The following RECK variants were observed in gnomAD, a reference collection of about 807,000 sequenced individuals.
RECK encodes the protein reversion inducing cysteine rich protein with kazal motifs.
RECK carries 69 observed loss-of-function variants against 115.1 expected under a neutral mutation model. The observed-to-expected ratio is 0.60, with a 90% CI of 0.49 to 0.73. The LOEUF (loss-of-function observed/expected upper bound fraction) is 0.73, where lower values mean the gene tolerates loss of function less well. Among genes scored for constraint, RECK ranks in the 30% least tolerant of loss-of-function variants. RECK has a pLI of 0.00. For synonymous variants in RECK, 414 were observed against 419.7 expected, an observed-to-expected ratio of 0.99 and a Z score of 0.17; for missense variants, 1,047 against 1,203.7, an observed-to-expected ratio of 0.87 and a Z score of 1.93.
intron 13 of RECK, among the ~76,000 whole-genome samples, chr9:36,107,012 A>G (rs1040280306): frequency 6.7e-6 from 1 of 150,150 alleles, no homozygotes. Context: ...AGACTGAGGC[A>G]GGAGAATGGC....
At chr9:36,073,916 T>C (rs2132608523) in intron 6 of RECK, among the ~76,000 whole-genome samples, 1 of 152,264 alleles carries the variant, frequency 6.6e-6, no homozygotes, top group South Asian at 2.1e-4. Context: ...GAGTACTGCT[T>C]GTTAAATATT....
chr9:36,065,228 TAAAAAAAA>T (rs561725701), intron 5 of RECK, among the ~76,000 whole-genome samples: 8 of 50,542 alleles, frequency 1.6e-4, no homozygotes, highest in East Asian at 7.8e-4. Flanking sequence ...GGAATTCAGC[TAAAAAAAA>T]AAAAAAAAAA....
chr9:36,089,766 A>G (rs923071274), intron 9 of RECK, among the ~76,000 whole-genome samples: 2 of 152,170 alleles, frequency 1.3e-5, no homozygotes, highest in African/African-American at 4.8e-5. Context: ...AGGTATATAC[A>G]AGTATTCTAA....
chr9:36,041,282 G>A (rs1305131611), intron 1 of RECK, among the ~76,000 whole-genome samples: 2 of 152,212 alleles, frequency 1.3e-5, no homozygotes, highest in Non-Finnish European at 1.5e-5. Context: ...GATGGATGCT[G>A]TAAAGCACAT....
chr9:36,063,961 C>T, intron 5 of RECK, 81 bp downstream of exon 5: 1 of 1,348,870 alleles, frequency 7.4e-7, no homozygotes, highest in African/African-American at 1.4e-5. Flanking sequence ...GCCTTGCCCA[C>T]CTCCTAGCTT....
chr9:36,060,181 G>A lies in RECK; in HGVS notation c.271+26G>A, dbSNP rs184486873. ...GTAAGCAATAAAAGTGTAACATTTA[G>A]CACTTAATTTTAAAAACTTACTGTG... On this transcript the variant is annotated intron_variant, in intron 4 of 20. Coordinates refer to ENST00000377966, the MANE Select transcript of RECK (RefSeq NM_021111.3). 1,192 of 1,607,056 alleles carry A rather than the reference G, an allele frequency of 7.4e-4. 7 individuals carry two copies. In the African/African-American group the frequency reaches 0.014, roughly 18 times the overall value.
chr9:36,112,979 TAGTC>T (rs560938452), intron 16 of RECK, among the ~76,000 whole-genome samples: 142 of 152,326 alleles, frequency 9.3e-4, no homozygotes, highest in African/African-American at 2.1e-3. Context: ...TGTCACCTGA[TAGTC>T]AGGGGAAATT....
At chr9:36,120,543 T>TAAG in intron 18 of RECK, 120 bp from the exon 19 acceptor site, 1 of 748,192 alleles carries the variant, frequency 1.3e-6, no homozygotes, top group South Asian at 1.7e-5. Context: ...GAAGGTACAG[T>TAAG]CTTTGGGAAG....
chr9:36,089,650 T>C (rs1225142461), intron 9 of RECK, among the ~76,000 whole-genome samples: 1 of 152,212 alleles, frequency 6.6e-6, no homozygotes, highest in Non-Finnish European at 1.5e-5. Flanking sequence ...CACAAAATTA[T>C]TTAAAATACT....
Position 36,036,952 on chromosome 9 carries a change from A to T in RECK, c.-47A>T. The T allele has an allele frequency of 1.6e-6, 2 of 1,264,668 alleles. No individual in the cohort carries two copies. Among genetic ancestry groups the T allele is most frequent in the Non-Finnish European group, 2.0e-6 (2 of 986,758 alleles). The allele number at this position is 1,264,668 out of a possible 1,614,324, so 78.3% of individuals were successfully genotyped here. ...GGTAGCGGCGGCAGCGGCTGCGGCC[A>T]AGCTGGGTCCGAGCATCCCGCGGCT... On this transcript the variant is annotated 5_prime_UTR_variant, in exon 1 of 21. Transcript: ENST00000377966.
chr9:36,067,815 A>C (rs891725461), intron 6 of RECK, among the ~76,000 whole-genome samples: 2 of 152,182 alleles, frequency 1.3e-5, no homozygotes, highest in East Asian at 3.9e-4. Context: ...GGCTCAGGGA[A>C]ATAAGAAAGC....
At chr9:36,083,583 C>T (rs201864246) in intron 8 of RECK, 21 bp downstream of exon 8, 26 of 1,599,446 alleles carry the variant, frequency 1.6e-5, no homozygotes, top group Non-Finnish European at 2.1e-5. Flanking sequence ...GGGACATATT[C>T]TTCTCATTTC....
At chr9:36,117,624 A>C (rs1407504789) in intron 17 of RECK, among the ~76,000 whole-genome samples, 1 of 152,206 alleles carries the variant, frequency 6.6e-6, no homozygotes, top group Non-Finnish European at 1.5e-5. Flanking sequence ...TTAAGACTTA[A>C]TGTCTTTTTA....
At chr9:36,084,844 C>G (rs989810071) in intron 8 of RECK, among the ~76,000 whole-genome samples, 1 of 152,036 alleles carries the variant, frequency 6.6e-6, no homozygotes, top group Non-Finnish European at 1.5e-5. Context: ...TGCCTGAGGT[C>G]AAAAGTTCAA....
In RECK at chr9:36,117,231, G is replaced by A. The variant is rs1564138066; in HGVS notation, c.2253+54G>A. The A allele has an allele frequency of 7.0e-6, 10 of 1,425,754 alleles. No individual in the cohort carries two copies. In the East Asian group the frequency reaches 2.1e-4, roughly 31 times the overall value. 88.3% of individuals were successfully genotyped at this position (1,425,754 alleles called of 1,614,324 possible). On this transcript the variant is annotated intron_variant, in intron 17 of 20. Coordinates refer to ENST00000377966, the MANE Select transcript of RECK (RefSeq NM_021111.3). Reference sequence around the variant, plus strand: ...TACACTACGGATAAAATTGGTTTATGATATTTTACAGATGAATCAACAGTA... The same window carrying A: ...TACACTACGGATAAAATTGGTTTATAATATTTTACAGATGAATCAACAGTA...
chr9:36,091,343 G>A lies in RECK; in HGVS notation c.1085G>A (p.Arg362Lys). ...NLTYCTNFNN[R>K]PTELFRSCNA... ...ACTTACTGTACTAATTTTAACAACAGGTAAGACAAATTATTATACATGGAA... is the reference window on the plus strand; with the variant it reads ...ACTTACTGTACTAATTTTAACAACAAGTAAGACAAATTATTATACATGGAA... The change falls in exon 10 of 21, where the codon AGG becomes AAG. Residue 362 changes from arginine to lysine, a missense_variant and splice_region_variant. By Grantham distance (26) the Arg-to-Lys change is conservative (BLOSUM62 2). Transcript: ENST00000377966. 4.7e-6 allele frequency: 7 copies of A among 1,475,468 alleles called. No individual in the cohort carries two copies. Among genetic ancestry groups the A allele is most frequent in the East Asian group, 5.1e-5 (2 of 39,566 alleles). The allele number at this position is 1,475,468 out of a possible 1,614,324, so 91.4% of individuals were successfully genotyped here.
At chr9:36,080,532 C>A in intron 6 of RECK, 73 bp from the exon 7 acceptor site, 1 of 1,199,268 alleles carries the variant, frequency 8.3e-7, no homozygotes, top group Non-Finnish European at 1.2e-6. Context: ...TCCATGTAAC[C>A]ATAAAGTGGA....
At chr9:36,074,838 T>TC (rs1413943684) in intron 6 of RECK, among the ~76,000 whole-genome samples, 1 of 152,184 alleles carries the variant, frequency 6.6e-6, no homozygotes, top group Non-Finnish European at 1.5e-5. Context: ...ATCCCAAAAC[T>TC]CCATAGCTTA....
intron 1 of RECK, among the ~76,000 whole-genome samples, chr9:36,051,687 G>A (rs1821308768): frequency 6.6e-6 from 1 of 151,944 alleles, no homozygotes. Context: ...CTGATGCTAT[G>A]TTCTCTTCTC....
Sources: allele counts gnomAD v4.1 joint callset (sites outside exome capture counted in the v4.1 genomes callset), GRCh38; gene constraint gnomAD v4.1.1; transcripts MANE v1.5; gene names NCBI Gene and HGNC (gene_info 2026-07-23, HGNC 2026-07-21).